Variants in SMAD3 observed in about 807,000 individuals in gnomAD.
SMAD3 encodes the protein SMAD family member 3, also known as MAD homolog 3.
In SMAD3, 12 loss-of-function variants were observed where a neutral mutation model predicts 51.8. The ratio of observed to expected loss-of-function variants is 0.23; its 90% CI spans 0.15 to 0.38. The LOEUF is 0.38. SMAD3 is among the 10% of genes least tolerant of loss of function. The pLI, the probability that SMAD3 is intolerant of heterozygous loss-of-function variation, is 1.00. For missense variants in SMAD3, 294 were observed against 565.6 expected (o/e 0.52, Z 4.87); for synonymous variants, 238 against 227.7 (o/e 1.05, Z -0.41).
chr15:67,190,355 G>A (rs987084069), intron 8 of SMAD3, 58 bp from the exon 9 acceptor site: 39 of 1,536,114 alleles, frequency 2.5e-5, no homozygotes, highest in Non-Finnish European at 3.4e-5. Context: ...TCTGACTTGT[G>A]TAACCCCCTG....
At chr15:67,085,868 G>GCACACA (rs78357581) in intron 1 of SMAD3, among the ~76,000 whole-genome samples, 9,210 of 99,756 alleles carry the variant, frequency 0.092, 350 homozygotes, top group Non-Finnish European at 0.12. Flanking sequence ...AAAAAAGCGT[G>GCACACA]CACACACACA....
At chr15:67,132,597 C>T (rs1205668092) in intron 1 of SMAD3, among the ~76,000 whole-genome samples, 1 of 152,158 alleles carries the variant, frequency 6.6e-6, no homozygotes, top group Non-Finnish European at 1.5e-5. Flanking sequence ...GTCAAATGCA[C>T]CTGCAGTTAT....
intron 5 of SMAD3, among the ~76,000 whole-genome samples, chr15:67,174,805 G>T (rs12912010): frequency 0.25 from 37,287 of 152,172 alleles, 4,747 homozygotes; most frequent in East Asian, 0.39. Context: ...CAAAAAGAAA[G>T]AAAGCAGAGG....
intron 6 of SMAD3, among the ~76,000 whole-genome samples, chr15:67,182,727 C>G (rs1259832916): frequency 6.6e-6 from 1 of 151,766 alleles, no homozygotes; most frequent in Non-Finnish European, 1.5e-5. Context: ...CTGCAGAGAC[C>G]TCATTGTCAG....
At chr15:67,100,439 C>T (rs9806504) in intron 1 of SMAD3, among the ~76,000 whole-genome samples, 146,603 of 151,988 alleles carry the variant, frequency 0.96, 70,929 homozygotes, top group East Asian at 1. Context: ...AAAATAGTTG[C>T]GGTGGTTGTA....
intron 1 of SMAD3, among the ~76,000 whole-genome samples, chr15:67,072,074 A>G (rs928741776): frequency 1.3e-5 from 2 of 152,238 alleles, no homozygotes; most frequent in African/African-American, 4.8e-5. Context: ...GAGAAATGCA[A>G]GAAGTTGATG....
At position 67,128,469 on chromosome 15, in the gene SMAD3, A is replaced by G. The variant is rs978296482; in HGVS notation, c.207-36426A>G. Among the ~76,000 whole-genome samples, 17 of 152,302 alleles carry G rather than the reference A, an allele frequency of 1.1e-4. 1 individual carries two copies. Among genetic ancestry groups the G allele is most frequent in the African/African-American group, 3.8e-4 (16 of 41,570 alleles). On this transcript the variant is annotated intron_variant, in intron 1 of 8. Transcript: ENST00000327367. ...AAGGATTAAAAGAGCTGGTGTGTGT[A>G]AAACCCAGGAACATAGTTCCTGGTG...
In SMAD3 at chr15:67,088,706, A is replaced by G. The variant is rs186380228; in HGVS notation, c.206+22346A>G. Among the ~76,000 whole-genome samples, 6 of 152,268 alleles carry G rather than the reference A, an allele frequency of 3.9e-5. No homozygotes were observed. In the East Asian group the frequency reaches 1.2e-3, roughly 29 times the overall value. ...GCACTTTGGGAGCCGAGGTGGGCGA[A>G]TCACGAGGTCAGGAGTTCGAGACCA... is the stretch of plus-strand genomic sequence containing the variant. On this transcript the variant is annotated intron_variant, in intron 1 of 8. Transcript: ENST00000327367.
chr15:67,126,440 CT>C (rs1961390231), intron 1 of SMAD3, among the ~76,000 whole-genome samples: 1 of 152,184 alleles, frequency 6.6e-6, no homozygotes, highest in East Asian at 1.9e-4. Context: ...TAATGGAACT[CT>C]TGGGGTACAG....
At chr15:67,178,712 TTTTAGTGACCACATTG>T (rs1246872074) in intron 5 of SMAD3, among the ~76,000 whole-genome samples, 3 of 151,850 alleles carry the variant, frequency 2.0e-5, no homozygotes, top group South Asian at 2.1e-4. Flanking sequence ...ATAGCTCACA[TTTTAGTGACCACATTG>T]TTTAGAATAT....
intron 1 of SMAD3, chr15:67,138,195 C>T (rs2140261088): frequency 3.2e-6 from 3 of 934,098 alleles, no homozygotes; most frequent in Non-Finnish European, 5.1e-6. Flanking sequence ...GTCAGAGTTT[C>T]TCCGGGCTTC....
intron 1 of SMAD3, among the ~76,000 whole-genome samples, chr15:67,140,982 C>T (rs778950185): frequency 3.3e-5 from 5 of 152,204 alleles, no homozygotes; most frequent in Non-Finnish European, 5.9e-5. Flanking sequence ...CACACAAAAT[C>T]TCCCAGTTTG....
intron 1 of SMAD3, among the ~76,000 whole-genome samples, chr15:67,153,331 A>C: frequency 6.6e-6 from 1 of 152,148 alleles, no homozygotes; most frequent in Non-Finnish European, 1.5e-5. Flanking sequence ...GTCTCTACTA[A>C]ACATGCAAAA....
chr15:67,184,753 G>A lies in SMAD3; in HGVS notation c.898G>A (p.Gly300Arg), dbSNP rs1963175881. Residue 300 changes from glycine to arginine, a missense_variant, in exon 7 of 9, where the codon GGA becomes AGA. By Grantham distance (125) the Gly-to-Arg change is moderately radical. Coordinates refer to ENST00000327367, the MANE Select transcript of SMAD3 (RefSeq NM_005902.4). ...AAGAGGCGTGCGGCTCTACTACATCGGAGGGGAGGTCTTCGCAGAGTGCCT... is the reference window on the plus strand; with the variant it reads ...AAGAGGCGTGCGGCTCTACTACATCAGAGGGGAGGTCTTCGCAGAGTGCCT... ...IGRGVRLYYI[G>R]GEVFAECLSD... The A allele has an allele frequency of 6.2e-7, 1 of 1,614,044 alleles. No individual in the cohort carries two copies. Among genetic ancestry groups the A allele is most frequent in the African/African-American group, 1.3e-5 (1 of 75,048 alleles).
rs372064378 is a variant in SMAD3, at chr15:67,170,550, G to A, written c.608-4G>A. On this transcript the variant is annotated splice_region_variant and splice_polypyrimidine_tract_variant and intron_variant, in intron 4 of 8. Coordinates refer to ENST00000327367, the MANE Select transcript of SMAD3 (RefSeq NM_005902.4). ...GAAGTCTCACAACTTGTCTCACCTC[G>A]CAGGTTCTCCAAACCTATCCCCGAA... is the stretch of plus-strand genomic sequence containing the variant. 4.0e-5 allele frequency: 64 copies of A among 1,613,076 alleles called. No homozygotes were observed. The highest frequency in any genetic ancestry group is 4.9e-5 in the Non-Finnish European group (58 of 1,179,230).
rs886051407 is a variant in SMAD3 at position 67,192,356 on chromosome 15, G to A, written c.*1820G>A. On this transcript the variant is annotated 3_prime_UTR_variant, in exon 9 of 9. Coordinates refer to ENST00000327367, the MANE Select transcript of SMAD3 (RefSeq NM_005902.4). The stretch of plus-strand genomic sequence containing the variant: ...TTGACAGACTTGTGTGAGTCTTCTC[G>A]AAGGAGGGTTGACTCAGAACCCAGA... 2.1e-5 allele frequency: 5 copies of A among 233,016 alleles called. No individual in the cohort carries two copies. The highest frequency in any genetic ancestry group is 1.1e-4 in the African/African-American group (5 of 45,302). 14.4% of individuals were successfully genotyped at this position (233,016 alleles called of 1,614,324 possible).
chr15:67,085,272 G>T (rs771387267), intron 1 of SMAD3, among the ~76,000 whole-genome samples: 3 of 152,140 alleles, frequency 2.0e-5, no homozygotes, highest in Non-Finnish European at 2.9e-5. Context: ...AGAATTAGAG[G>T]CAGCAGGCCT....
At chr15:67,184,281 T>A (rs1473325814) in intron 6 of SMAD3, among the ~76,000 whole-genome samples, 2 of 151,466 alleles carry the variant, frequency 1.3e-5, no homozygotes, top group East Asian at 2.0e-4. Flanking sequence ...AAAAAAAAAA[T>A]GTTTTTGTAG....
chr15:67,177,595 G>A (rs1484231609), intron 5 of SMAD3, among the ~76,000 whole-genome samples: 1 of 151,844 alleles, frequency 6.6e-6, no homozygotes, highest in African/African-American at 2.4e-5. Context: ...GCTAATTTTT[G>A]TATTTTTAGT....
Sources: gnomAD v4.1 joint callset for allele counts (sites outside exome capture counted in the v4.1 genomes callset) on GRCh38, gnomAD v4.1.1 for gene constraint, MANE v1.5 for transcripts, NCBI Gene and HGNC (gene_info 2026-07-23, HGNC 2026-07-21) for gene names.